The following SLC26A4 variants were observed in gnomAD, a reference collection of about 807,000 sequenced individuals.
SLC26A4 encodes pendrin.
Under a neutral mutation model 90.4 loss-of-function variants are expected in SLC26A4, and 93 were observed. The ratio of observed to expected loss-of-function variants is 1.03; its 90% CI spans 0.87 to 1.22. The LOEUF (loss-of-function observed/expected upper bound fraction) is 1.22. Ranked by LOEUF, SLC26A4 falls within the 50% of genes most tolerant of loss-of-function variation. The pLI is 0.00. For missense variants in SLC26A4, 1,127 were observed against 946.2 expected, an observed-to-expected ratio of 1.19 and a Z score of -2.51; for synonymous variants, 393 against 354.6, an observed-to-expected ratio of 1.11 and a Z score of -1.22.
At chr7:107,686,469 T>A (rs1330364765) in intron 8 of SLC26A4, among the ~76,000 whole-genome samples, 5 of 148,524 alleles carry the variant, frequency 3.4e-5, no homozygotes, top group Non-Finnish European at 7.4e-5. Context: ...TTTCTTTCCT[T>A]CTTTCTTTCT....
At chr7:107,692,363 T>C (rs1360977919) in intron 10 of SLC26A4, among the ~76,000 whole-genome samples, 1 of 152,224 alleles carries the variant, frequency 6.6e-6, no homozygotes, top group Non-Finnish European at 1.5e-5. Flanking sequence ...TTCTCGTGTT[T>C]TCTCTTATGT....
Position 107,661,981 on chromosome 7 carries a change from T to A in SLC26A4, c.164+176T>A. On this transcript the variant is annotated intron_variant, in intron 2 of 20. Coordinates refer to ENST00000644269, the MANE Select transcript of SLC26A4 (RefSeq NM_000441.2). This position sits in a 1 kb window ranked among gnomAD's most constrained non-coding sequence, Gnocchi z 5.1. The stretch of plus-strand genomic sequence containing the variant: ...CCGGTCCTCCACGCCGCCCTTCTGG[T>A]GGGAGGGTGGCTCCATCAGTCTCGG... The A allele has an allele frequency of 1.5e-6, 1 of 677,920 alleles. No homozygotes were observed. The highest frequency in any genetic ancestry group is 2.4e-6 in the Non-Finnish European group (1 of 410,046). The allele number at this position is 677,920 out of a possible 1,614,324, so 42.0% of individuals were successfully genotyped here. A position where few individuals can be genotyped will look rare whatever the true frequency, so the allele number is the denominator to read the frequency against.
In SLC26A4 at chr7:107,661,923, A is replaced by G. The variant is rs1262355681; in HGVS notation, c.164+118A>G. The stretch of plus-strand genomic sequence containing the variant: ...GCGGGCGGCGGAGCCCCTGGGCGCC[A>G]GCTGCTTCTCCCAGAGGCCCGACTT... On this transcript the variant is annotated intron_variant, in intron 2 of 20. Coordinates refer to ENST00000644269, the MANE Select transcript of SLC26A4 (RefSeq NM_000441.2). This position sits in a 1 kb window ranked among gnomAD's most constrained non-coding sequence, Gnocchi z 5.1. 1 of 1,177,864 alleles carries G rather than the reference A, an allele frequency of 8.5e-7. No individual in the cohort carries two copies. Among genetic ancestry groups the G allele is most frequent in the Admixed American group, 2.6e-5 (1 of 38,492 alleles). 73.0% of individuals were successfully genotyped at this position (1,177,864 alleles called of 1,614,324 possible).
rs767255075 is a variant in SLC26A4 at position 107,700,161 on chromosome 7, T to C, written c.1693T>C (p.Cys565Arg). Residue 565 changes from cysteine (C) to arginine (R), a missense_variant, in exon 15 of 21, where the codon TGT becomes CGT. By Grantham distance (180) the Cys-to-Arg change is radical. Transcript: ENST00000644269. ...TGGCAATGTCGATGGTTTTAAAAAA[T>C]GTATCAAGTCCACAGTAAGTATTTT... is the stretch of plus-strand genomic sequence containing the variant. ...FYGNVDGFKK[C>R]IKSTVGFDAI... 2.9e-5 allele frequency: 45 copies of C among 1,542,950 alleles called. No individual in the cohort carries two copies. Among genetic ancestry groups the C allele is most frequent in the Non-Finnish European group, 3.9e-5 (43 of 1,115,200 alleles).
intron 18 of SLC26A4, among the ~76,000 whole-genome samples, chr7:107,706,217 G>A (rs112369520): frequency 0.01 from 1,578 of 152,234 alleles, 28 homozygotes; most frequent in African/African-American, 0.035. Flanking sequence ...AAATAAGTTT[G>A]GTCTCAAACT....
intron 10 of SLC26A4, 65 bp downstream of exon 10, chr7:107,690,302 G>T: frequency 1.0e-6 from 1 of 975,926 alleles, no homozygotes; most frequent in Non-Finnish European, 1.7e-6. Flanking sequence ...ACAGAGGAAG[G>T]CTCGCACCGA....
In SLC26A4 at chr7:107,681,789, T is replaced by G. The variant is rs1345609786; in HGVS notation, c.766-1413T>G. On this transcript the variant is annotated intron_variant, in intron 6 of 20. Coordinates refer to ENST00000644269, the MANE Select transcript of SLC26A4 (RefSeq NM_000441.2). ...TCTTGAATTGATTCATCTGTCTACT[T>G]AAAGATTTTTTTTGGCCAGTTGTGG... 2.0e-5 allele frequency among the ~76,000 whole-genome samples: 3 copies of G among 152,134 alleles called. No homozygotes were observed. The South Asian group carries it at 6.2e-4, about 32-fold the overall frequency.
chr7:107,675,944 C>T (rs1324413303), intron 6 of SLC26A4, among the ~76,000 whole-genome samples: 1 of 152,180 alleles, frequency 6.6e-6, no homozygotes, highest in Non-Finnish European at 1.5e-5. Flanking sequence ...GTCAGAAATA[C>T]TATTGTACTT....
rs1041102877 is a variant in SLC26A4, at chr7:107,661,262, GC to G, written c.-3-373del. ...CCTTCCAGCCTTGCAAGCGCCTTTG[GC>G]CCCTGCCCCAGCCCCTCGGTTTGGG... On this transcript the variant is annotated intron_variant, in intron 1 of 20. Coordinates refer to ENST00000644269, the MANE Select transcript of SLC26A4 (RefSeq NM_000441.2). The surrounding 1 kb of genome is among the most constrained non-coding windows in gnomAD (Gnocchi z 5.1). 2.0e-4 allele frequency: 62 copies of G among 317,522 alleles called. No homozygotes were observed. The highest frequency in any genetic ancestry group is 3.4e-4 in the Non-Finnish European group (57 of 168,842). The allele number at this position is 317,522 out of a possible 1,614,324, so 19.7% of individuals were successfully genotyped here. A position where few individuals can be genotyped will look rare whatever the true frequency, so the allele number is the denominator to read the frequency against.
chr7:107,702,044 G>A lies in SLC26A4; in HGVS notation c.2021G>A (p.Arg674Lys). Residue 674 changes from arginine (R) to lysine (K), a missense_variant, in exon 17 of 21, where the codon AGA (arginine) becomes AAA (lysine). Physicochemically the swap from Arg to Lys is conservative, Grantham distance 26. Coordinates refer to ENST00000644269, the MANE Select transcript of SLC26A4 (RefSeq NM_000441.2). ...AISFLDVVGV[R>K]SLRVIVKEFQ... The stretch of plus-strand genomic sequence containing the variant: ...TCTTTCCTGGACGTTGTTGGAGTGA[G>A]ATCACTGCGGGTGGTAAGGTTCTGG... 6.2e-7 allele frequency: 1 copy of A among 1,605,686 alleles called. No homozygotes were observed. Among genetic ancestry groups the A allele is most frequent in the Non-Finnish European group, 8.5e-7 (1 of 1,172,352 alleles).
rs1791494778 is a variant in SLC26A4, at chr7:107,689,069, C to T, written c.1018C>T (p.Leu340Phe). Residue 340 changes from leucine (L) to phenylalanine (F), a missense_variant, in exon 9 of 21, where the codon CTT (leucine) becomes TTT (phenylalanine). Coordinates refer to ENST00000644269, the MANE Select transcript of SLC26A4 (RefSeq NM_000441.2). ...SIPRGFLPPE[L>F]PPVSLFSEML... ...ACTCACTAGGTTTTTGCCTCCTGAA[C>T]TTCCACCTGTGAGCTTGTTCTCGGA... is the stretch of plus-strand genomic sequence containing the variant. 1.2e-6 allele frequency: 2 copies of T among 1,613,840 alleles called. No homozygotes were observed. The highest frequency in any genetic ancestry group is 1.7e-6 in the Non-Finnish European group (2 of 1,179,854).
chr7:107,677,196 CAACAAACAAAAAACCAAA>C (rs1255085453), intron 6 of SLC26A4, among the ~76,000 whole-genome samples: 1 of 152,010 alleles, frequency 6.6e-6, no homozygotes, highest in Middle Eastern at 3.2e-3. Flanking sequence ...ATAACAGCAA[CAACAAACAAAAAACCAAA>C]AACAAACAAA....
At chr7:107,691,663 C>T (rs1466553808) in intron 10 of SLC26A4, among the ~76,000 whole-genome samples, 8 of 152,004 alleles carry the variant, frequency 5.3e-5, no homozygotes, top group African/African-American at 1.7e-4. Context: ...GCATGTGATG[C>T]TCCTTTCCTA....
chr7:107,688,785 G>C (rs1791486964), intron 8 of SLC26A4, among the ~76,000 whole-genome samples: 1 of 152,198 alleles, frequency 6.6e-6, no homozygotes, highest in Non-Finnish European at 1.5e-5. Flanking sequence ...AGTAACAGCA[G>C]ATTTATTCAT....
At chr7:107,678,905 A>G (rs1453991129) in intron 6 of SLC26A4, among the ~76,000 whole-genome samples, 4 of 152,200 alleles carry the variant, frequency 2.6e-5, no homozygotes, top group African/African-American at 9.6e-5. Flanking sequence ...AGACTGTAAG[A>G]TTGTTGTAAA....
At position 107,683,232 on chromosome 7, in the gene SLC26A4, G is replaced by A. The variant is rs138462416; in HGVS notation, c.796G>A (p.Asp266Asn). The A allele has an allele frequency of 7.1e-5, 114 of 1,612,226 alleles. No individual in the cohort carries two copies. The highest frequency in any genetic ancestry group is 8.8e-5 in the Non-Finnish European group (104 of 1,179,572). Residue 266 changes from aspartate (D) to asparagine (N), a missense_variant, in exon 7 of 21, where the codon GAT (aspartate) becomes AAT (asparagine). By Grantham distance (23) the Asp-to-Asn change is conservative. Coordinates refer to ENST00000644269, the MANE Select transcript of SLC26A4 (RefSeq NM_000441.2). ...TLVEIFQNIGDTNLADFTAGL... is the reference protein window; with the variant it reads ...TLVEIFQNIGNTNLADFTAGL... ...GGTTGAGATTTTTCAAAATATTGGT[G>A]ATACCAATCTTGCTGATTTCACTGC...
At chr7:107,683,141 T>C in intron 6 of SLC26A4, 61 bp from the exon 7 acceptor site, 1 of 1,186,590 alleles carries the variant, frequency 8.4e-7, no homozygotes, top group Non-Finnish European at 1.2e-6. Flanking sequence ...TGTGTGTGCG[T>C]GTGTGTGTGC....
At chr7:107,714,401 G>T (rs139637735) in intron 20 of SLC26A4, among the ~76,000 whole-genome samples, 43 of 152,314 alleles carry the variant, frequency 2.8e-4, no homozygotes, top group Non-Finnish European at 5.9e-4. Flanking sequence ...ATGACAGGCA[G>T]AGATTTCTGT....
intron 9 of SLC26A4, among the ~76,000 whole-genome samples, 179 bp from the exon 10 acceptor site, chr7:107,689,945 C>T (rs1478795823): frequency 2.6e-5 from 4 of 152,176 alleles, no homozygotes; most frequent in African/African-American, 7.2e-5. Flanking sequence ...GATGGTATGG[C>T]GTCCAAACTC....
Sources: gnomAD v4.1 joint callset for allele counts (sites outside exome capture counted in the v4.1 genomes callset) on GRCh38, gnomAD v4.1.1 for gene constraint, Gnocchi (gnomAD v3.1) non-coding constraint, MANE v1.5 for transcripts, NCBI Gene and HGNC (gene_info 2026-07-23, HGNC 2026-07-21) for gene names.